The following INTS12 variants were observed in gnomAD, a reference collection of about 807,000 sequenced individuals.
INTS12 encodes the protein PHD finger protein 22.
Under a neutral mutation model 41.6 loss-of-function variants are expected in INTS12, and 13 were observed. The observed-to-expected ratio is 0.31, with a 90% CI of 0.20 to 0.50. INTS12 has a LOEUF of 0.50. Among genes scored for constraint, INTS12 ranks in the 20% least tolerant of loss-of-function variants. The pLI, the probability that INTS12 is intolerant of heterozygous loss-of-function variation, is 0.98. For missense variants in INTS12, 432 were observed against 541.6 expected (o/e 0.80, Z 2.01); for synonymous variants, 199 against 191.4 (o/e 1.04, Z -0.33).
In INTS12 at chr4:105,696,054, G is replaced by A. The variant is rs1731853621; in HGVS notation, c.157-386C>T. ...TTCAGTACAGATGGCGTTTCACCATGTTGGCCACACTGGTCTCAAACTCCG... is the reference window on the plus strand; with the variant it reads ...TTCAGTACAGATGGCGTTTCACCATATTGGCCACACTGGTCTCAAACTCCG... On this transcript the variant is annotated intron_variant, in intron 3 of 7. Transcript: ENST00000340139. Among the ~76,000 whole-genome samples, 7 of 152,180 alleles carry A rather than the reference G, an allele frequency of 4.6e-5. No homozygotes were observed. In the South Asian group the frequency reaches 1.5e-3, roughly 32 times the overall value.
At position 105,702,797 on chromosome 4, in the gene INTS12, C is replaced by A. The variant is rs190600116; in HGVS notation, c.-10+851G>T. 3.7e-3 allele frequency: 2,869 copies of A among 766,174 alleles called. 19 individuals are homozygous for A. Among genetic ancestry groups the A allele is most frequent in the Non-Finnish European group, 4.3e-3 (2,681 of 629,866 alleles). The allele number at this position is 766,174 out of a possible 1,614,324, so 47.5% of individuals were successfully genotyped here. On this transcript the variant is annotated intron_variant, in intron 2 of 7. Transcript: ENST00000340139. Reference sequence around the variant, plus strand: ...CACCCTCTTGCCCTGACTTTTGTTTCCTCACCAAACAGAAAACAGTAGTTG... The same window carrying A: ...CACCCTCTTGCCCTGACTTTTGTTTACTCACCAAACAGAAAACAGTAGTTG...
In INTS12 at chr4:105,708,584, C is replaced by CG; in HGVS notation, c.-172+53dup. 5 of 985,250 alleles carry CG rather than the reference C, an allele frequency of 5.1e-6. No homozygotes were observed. In the South Asian group the frequency reaches 2.4e-4, roughly 46 times the overall value. The allele number at this position is 985,250 out of a possible 1,614,324, so 61.0% of individuals were successfully genotyped here. ...CTACTCTCCCACCTCGCTCCTGGCGCGGGGGTCTCGAGCCTCCAGGAGGCC... is the reference window on the plus strand; with the variant it reads ...CTACTCTCCCACCTCGCTCCTGGCGCGGGGGGTCTCGAGCCTCCAGGAGGCC... On this transcript the variant is annotated intron_variant, in intron 1 of 7. Transcript: ENST00000340139.
chr4:105,693,230 T>C (rs1426518697), intron 5 of INTS12, 69 bp downstream of exon 5: 11 of 1,260,124 alleles, frequency 8.7e-6, no homozygotes, highest in African/African-American at 1.5e-5. Flanking sequence ...ATTTTGGGGG[T>C]TGAGGAGTGG....
Position 105,704,544 on chromosome 4 carries a change from C to T in INTS12, c.-171-735G>A, listed in dbSNP as rs555938831. On this transcript the variant is annotated intron_variant, in intron 1 of 7. Coordinates refer to ENST00000340139, the MANE Select transcript of INTS12 (RefSeq NM_020395.4). ...ACTCTAAAGTTTGGGAATTATTGCCCTAGACAATTTGATCTATATAGTCTT... is the reference window on the plus strand; with the variant it reads ...ACTCTAAAGTTTGGGAATTATTGCCTTAGACAATTTGATCTATATAGTCTT... 1.1e-4 allele frequency among the ~76,000 whole-genome samples: 16 copies of T among 152,312 alleles called. No individual in the cohort carries two copies. In the South Asian group the frequency reaches 3.3e-3, roughly 32 times the overall value.
Position 105,693,388 on chromosome 4 carries a change from C to T in INTS12, c.408G>A (p.Lys136=). The T allele has an allele frequency of 6.2e-7, 1 of 1,614,068 alleles. No homozygotes were observed. Among genetic ancestry groups the T allele is most frequent in the South Asian group, 1.1e-5 (1 of 91,070 alleles). ...QSSPITVQSS[K]DLPMADLSSF... ...TGGAAAGGTCAGCCATAGGTAAATC[C>T]TTGCTACTTTGGACAGTAATGGGAG... The change falls in exon 5 of 8, where the codon AAG becomes AAA. Residue 136 remains lysine (K), a synonymous_variant. Coordinates refer to ENST00000340139, the MANE Select transcript of INTS12 (RefSeq NM_020395.4).
chr4:105,698,733 T>C (rs946676199), intron 3 of INTS12, among the ~76,000 whole-genome samples: 2 of 152,166 alleles, frequency 1.3e-5, no homozygotes, highest in African/African-American at 2.4e-5. Context: ...CTATTCAAAA[T>C]ACAATAAAAA....
At chr4:105,683,999 C>A (rs773645421) in intron 7 of INTS12, among the ~76,000 whole-genome samples, 1 of 152,104 alleles carries the variant, frequency 6.6e-6, no homozygotes, top group Admixed American at 6.5e-5. Flanking sequence ...GCCCATGATT[C>A]CGGTTAAACT....
At chr4:105,684,529 A>T (rs549375194) in intron 7 of INTS12, among the ~76,000 whole-genome samples, 50 of 152,208 alleles carry the variant, frequency 3.3e-4, no homozygotes, top group African/African-American at 1.2e-3. Flanking sequence ...ATTTTTAATC[A>T]ATGTGAAAAG....
In INTS12 at chr4:105,688,507, A is replaced by G. The variant is rs373478327; in HGVS notation, c.658-1669T>C. 1.4e-4 allele frequency among the ~76,000 whole-genome samples: 21 copies of G among 152,332 alleles called. No homozygotes were observed. The East Asian group carries it at 4.0e-3, about 29-fold the overall frequency. On this transcript the variant is annotated intron_variant, in intron 6 of 7. Coordinates refer to ENST00000340139, the MANE Select transcript of INTS12 (RefSeq NM_020395.4). ...CTTCAACATCACTTATAAAGCAACA[A>G]TTAGATCAAGAATATTAAGAATGTT...
intron 7 of INTS12, among the ~76,000 whole-genome samples, chr4:105,684,642 A>G (rs1286421721): frequency 6.6e-6 from 1 of 152,158 alleles, no homozygotes; most frequent in Non-Finnish European, 1.5e-5. Context: ...ACAGTAACAT[A>G]TTAACTATCT....
At chr4:105,691,898 T>G (rs946844699) in intron 6 of INTS12, 78 bp downstream of exon 6, 1 of 1,058,438 alleles carries the variant, frequency 9.4e-7, no homozygotes, top group African/African-American at 1.6e-5. Context: ...TCTTAAATAT[T>G]CAAATCTTTG....
chr4:105,684,512 T>C (rs1014932134), intron 7 of INTS12, among the ~76,000 whole-genome samples: 2 of 152,120 alleles, frequency 1.3e-5, no homozygotes, highest in African/African-American at 4.8e-5. Context: ...ATTGTCTGCA[T>C]GCATACATTT....
At position 105,686,570 on chromosome 4, in the gene INTS12, T is replaced by A. The variant is rs986413912; in HGVS notation, c.804+122A>T. 5 of 669,646 alleles carry A rather than the reference T, an allele frequency of 7.5e-6. No homozygotes were observed. In the African/African-American group the frequency reaches 9.1e-5, roughly 12 times the overall value. 41.5% of individuals were successfully genotyped at this position (669,646 alleles called of 1,614,324 possible). A position where few individuals can be genotyped will look rare whatever the true frequency, so the allele number is the denominator to read the frequency against. On this transcript the variant is annotated intron_variant, in intron 7 of 7. Transcript: ENST00000340139. ...ACCTAATATAATAGTAGTAAAGTCT[T>A]AATTTCTAAAATATAGCCATTTAGT...
intron 1 of INTS12, among the ~76,000 whole-genome samples, chr4:105,705,111 G>A (rs1453734085): frequency 1.3e-5 from 2 of 152,192 alleles, no homozygotes; most frequent in African/African-American, 4.8e-5. Context: ...GCAGCAGGAG[G>A]TGAGCAGTAG....
chr4:105,687,782 G>A (rs1205557948), intron 6 of INTS12, among the ~76,000 whole-genome samples: 1 of 152,068 alleles, frequency 6.6e-6, no homozygotes, highest in Non-Finnish European at 1.5e-5. Context: ...GTGAAACCCC[G>A]TCTCTACTAA....
At chr4:105,696,268 T>G (rs562711526) in intron 3 of INTS12, among the ~76,000 whole-genome samples, 28 of 152,320 alleles carry the variant, frequency 1.8e-4, no homozygotes, top group African/African-American at 6.3e-4. Flanking sequence ...AATTTCCTTG[T>G]GGCCCTTTGT....
intron 2 of INTS12, among the ~76,000 whole-genome samples, chr4:105,702,130 CTTT>C (rs950826694): frequency 3.7e-5 from 4 of 109,506 alleles, no homozygotes; most frequent in Admixed American, 1.0e-4. Context: ...ATTTCTATTT[CTTT>C]TTTTTTTTTT....
At chr4:105,697,983 G>T (rs11727189) in intron 3 of INTS12, among the ~76,000 whole-genome samples, 8,154 of 152,258 alleles carry the variant, frequency 0.054, 250 homozygotes, top group Middle Eastern at 0.14. Flanking sequence ...CTGGGAGGGA[G>T]AGAGCGCAGT....
At position 105,708,680 on chromosome 4, in the gene INTS12, C is replaced by T. The variant is rs927563520; in HGVS notation, c.-214G>A. The T allele has an allele frequency of 7.9e-6, 7 of 882,132 alleles. No individual in the cohort carries two copies. In the African/African-American group the frequency reaches 1.1e-4, roughly 14 times the overall value. 54.6% of individuals were successfully genotyped at this position (882,132 alleles called of 1,614,324 possible). On this transcript the variant is annotated 5_prime_UTR_variant, in exon 1 of 8. Coordinates refer to ENST00000340139, the MANE Select transcript of INTS12 (RefSeq NM_020395.4). ...CCGATCCGTCTGTTCCCGGTGGTCC[C>T]TTCGGAAACGGTTCCCGCACTGGCC...
Sources: allele counts gnomAD v4.1 joint callset (sites outside exome capture counted in the v4.1 genomes callset), GRCh38; gene constraint gnomAD v4.1.1; transcripts MANE v1.5; gene names NCBI Gene and HGNC (gene_info 2026-07-23, HGNC 2026-07-21).